The following SPHK2 variants were observed in gnomAD, a reference collection of about 807,000 sequenced individuals.
SPHK2 encodes sphingosine kinase 2.
Under a neutral mutation model 32.3 loss-of-function variants are expected in SPHK2, and 18 were observed. The ratio of observed to expected loss-of-function variants is 0.56; its 90% CI spans 0.39 to 0.83. SPHK2 has a LOEUF of 0.83. Ranked by LOEUF, SPHK2 falls within the 40% of genes least tolerant of loss-of-function variation. The pLI is 0.00. For synonymous variants in SPHK2, 462 were observed against 417.6 expected (o/e 1.11, Z -1.30); for missense variants, 850 against 908.7 (o/e 0.94, Z 0.83).
chr19:48,628,731 T>C lies in SPHK2; in HGVS notation c.923T>C (p.Leu308Pro). 6.2e-7 allele frequency: 1 copy of C among 1,613,150 alleles called. No homozygotes were observed. ...CTGTTGCTCAACTGCTCACTGTTGC[T>C]GTGCCGGGGTGGTGGCCACCCACTG... The part of the protein sequence containing the change: ...LDLLLNCSLL[L>P]CRGGGHPLDL... The change falls in exon 7 of 7, where the codon CTG becomes CCG. Residue 308 changes from leucine to proline, a missense_variant. Transcript: ENST00000245222. The surrounding 1 kb of genome is among the most constrained non-coding windows in gnomAD (Gnocchi z 5.2).
chr19:48,629,579 A>C lies in SPHK2; in HGVS notation c.1771A>C (p.Ser591Arg), dbSNP rs756194475. 3 of 1,599,218 alleles carry C rather than the reference A, an allele frequency of 1.9e-6. No individual in the cohort carries two copies. The highest frequency in any genetic ancestry group is 3.3e-4 in the Middle Eastern group (2 of 6,046). Residue 591 changes from serine (S) to arginine (R), a missense_variant, in exon 7 of 7, where the codon AGC becomes CGC. By Grantham distance (110) the Ser-to-Arg change is moderately radical. Coordinates refer to ENST00000245222, the MANE Select transcript of SPHK2 (RefSeq NM_020126.5). ...LRLFLAMERG[S>R]HFSLGCPQLG... is the part of the protein sequence containing the mutation. ...CCTTTTCTTGGCCATGGAGCGTGGT[A>C]GCCACTTCAGCCTGGGCTGTCCGCA...
At chr19:48,620,298 C>G (rs1974352389) in intron 1 of SPHK2, 104 bp from the exon 2 acceptor site, 2 of 524,752 alleles carry the variant, frequency 3.8e-6, no homozygotes, top group East Asian at 6.0e-5. Flanking sequence ...TTCCCCCCAC[C>G]CGCCAGGGAG....
chr19:48,627,851 A>T lies in SPHK2; in HGVS notation c.661+10A>T. The T allele has an allele frequency of 6.2e-7, 1 of 1,605,410 alleles. No individual in the cohort carries two copies. The highest frequency in any genetic ancestry group is 1.1e-5 in the South Asian group (1 of 89,976). On this transcript the variant is annotated intron_variant, in intron 4 of 6. Transcript: ENST00000245222. ...AACCTCATCCAGACAGGTAAGGGCC[A>T]GTGAGAATGGGAGCTGGGGGCTGGG...
At chr19:48,621,674 C>T (rs929158450) in intron 2 of SPHK2, among the ~76,000 whole-genome samples, 1 of 150,830 alleles carries the variant, frequency 6.6e-6, no homozygotes, top group Non-Finnish European at 1.5e-5. Context: ...GACTGAGCAC[C>T]GAACAAAGAG....
chr19:48,629,642 C>T lies in SPHK2; in HGVS notation c.1834C>T (p.Pro612Ser), dbSNP rs1490312667. 6.2e-7 allele frequency: 1 copy of T among 1,602,248 alleles called. No individual in the cohort carries two copies. The part of the protein sequence containing the change: ...YAAARAFRLE[P>S]LTPRGVLTVD... ...CGCGGCCCGTGCCTTCCGCCTAGAG[C>T]CGCTCACACCACGCGGCGTGCTCAC... is the stretch of plus-strand genomic sequence containing the variant. The change falls in exon 7 of 7, where the codon CCG (proline) becomes TCG (serine). Residue 612 changes from proline to serine, a missense_variant. Physicochemically the swap from Pro to Ser is moderately conservative, Grantham distance 74. This residue lies in a region of SPHK2 where 306 missense variants were observed against 268.6 expected (regional missense o/e 1.14). Coordinates refer to ENST00000245222, the MANE Select transcript of SPHK2 (RefSeq NM_020126.5).
In SPHK2 at chr19:48,628,352, C is replaced by A; in HGVS notation, c.872+75C>A. 7.3e-7 allele frequency: 1 copy of A among 1,364,878 alleles called. No homozygotes were observed. The highest frequency in any genetic ancestry group is 1.0e-6 in the Non-Finnish European group (1 of 962,436). The allele number at this position is 1,364,878 out of a possible 1,614,324, so 84.5% of individuals were successfully genotyped here. A position where few individuals can be genotyped will look rare whatever the true frequency, so the allele number is the denominator to read the frequency against. On this transcript the variant is annotated intron_variant, in intron 6 of 6. Transcript: ENST00000245222. This position sits in a 1 kb window ranked among gnomAD's most constrained non-coding sequence, Gnocchi z 5.2. ...AGGGACCCCTATATCTCCCACTCAG[C>A]CAAACCCACAGTCAGTCAAGTAAAT...
intron 2 of SPHK2, among the ~76,000 whole-genome samples, chr19:48,622,207 C>T (rs1453065606): frequency 4.1e-5 from 6 of 148,144 alleles, no homozygotes; most frequent in Non-Finnish European, 7.4e-5. Context: ...TGCAGTGAGT[C>T]GAGATCGCGC....
chr19:48,629,030 G>T lies in SPHK2; in HGVS notation c.1222G>T (p.Ala408Ser), dbSNP rs1479041829. Reference protein sequence around the residue: ...KSELTLTPDPAPPMAHSPLHR... With the variant: ...KSELTLTPDPSPPMAHSPLHR... Reference sequence around the variant, plus strand: ...GGAGCTGACCCTAACCCCAGACCCAGCCCCGCCCATGGCCCACTCACCCCT... The same window carrying T: ...GGAGCTGACCCTAACCCCAGACCCATCCCCGCCCATGGCCCACTCACCCCT... The change falls in exon 7 of 7, where the codon GCC becomes TCC. Residue 408 changes from alanine to serine, a missense_variant. Ala to Ser is a moderately conservative substitution (Grantham distance 99, BLOSUM62 1). This residue lies in a region of SPHK2 where 544 missense variants were observed against 640.0 expected (regional missense o/e 0.85). Coordinates refer to ENST00000245222, the MANE Select transcript of SPHK2 (RefSeq NM_020126.5). The T allele has an allele frequency of 6.2e-7, 1 of 1,613,078 alleles. No homozygotes were observed.
rs2030130330 is a variant in SPHK2 at position 48,628,211 on chromosome 19, T to C, written c.806T>C (p.Met269Thr). ...DRPDWEEAVK[M>T]PVGILPCGSG... ...CCTGACTGGGAGGAAGCTGTGAAGA[T>C]GCCTGTGGGCATCCTCCCCTGCGGC... Residue 269 changes from methionine to threonine, a missense_variant, in exon 6 of 7, where the codon ATG becomes ACG. Physicochemically the swap from Met to Thr is moderately conservative, Grantham distance 81 (BLOSUM62 -1). Coordinates refer to ENST00000245222, the MANE Select transcript of SPHK2 (RefSeq NM_020126.5). The surrounding 1 kb of genome is among the most constrained non-coding windows in gnomAD (Gnocchi z 5.2). 1 of 1,613,674 alleles carries C rather than the reference T, an allele frequency of 6.2e-7. No individual in the cohort carries two copies. The highest frequency in any genetic ancestry group is 8.5e-7 in the Non-Finnish European group (1 of 1,179,956).
Position 48,626,346 on chromosome 19 carries a change from A to T in SPHK2, c.495A>T (p.Pro165=), listed in dbSNP as rs1974623581. 1 of 1,588,514 alleles carries T rather than the reference A, an allele frequency of 6.3e-7. No individual in the cohort carries two copies. Among genetic ancestry groups the T allele is most frequent in the African/African-American group, 1.3e-5 (1 of 74,380 alleles). ...TCACCTGTCTGCTCCGAGGACTGCC[A>T]CTGCCCGGGGATGGGGGTGAGGTGC... ...TALTCLLRGL[P]LPGDGEITPD... Residue 165 remains proline, a synonymous_variant, in exon 3 of 7, where the codon CCA becomes CCT. Transcript: ENST00000245222.
Position 48,629,013 on chromosome 19 carries a change from C to A in SPHK2, c.1205C>A (p.Thr402Asn). ...CTGCCTCGTGCCAAGTCGGAGCTGA[C>A]CCTAACCCCAGACCCAGCCCCGCCC... ...HSLPRAKSEL[T>N]LTPDPAPPMA... is the part of the protein sequence containing the mutation. The change falls in exon 7 of 7, where the codon ACC (threonine) becomes AAC (asparagine). Residue 402 changes from threonine (T) to asparagine (N), a missense_variant. Coordinates refer to ENST00000245222, the MANE Select transcript of SPHK2 (RefSeq NM_020126.5). 6.2e-6 allele frequency: 10 copies of A among 1,613,662 alleles called. No individual in the cohort carries two copies. Among genetic ancestry groups the A allele is most frequent in the Non-Finnish European group, 8.5e-6 (10 of 1,179,940 alleles).
chr19:48,628,015 C>A lies in SPHK2; in HGVS notation c.702C>A (p.Ser234Arg). 2 of 1,596,448 alleles carry A rather than the reference C, an allele frequency of 1.3e-6. No individual in the cohort carries two copies. The highest frequency in any genetic ancestry group is 1.1e-5 in the South Asian group (1 of 89,780). The stretch of plus-strand genomic sequence containing the variant: ...CCCGGGAGCTGGTCCAGGGGCTGAG[C>A]CTGAGTGAGTGGGATGGCATCGTCA... ...NHARELVQGL[S>R]LSEWDGIVTV... Residue 234 changes from serine to arginine, a missense_variant, in exon 5 of 7, where the codon AGC (serine) becomes AGA (arginine). Physicochemically the swap from Ser to Arg is moderately radical, Grantham distance 110 (BLOSUM62 -1). Coordinates refer to ENST00000245222, the MANE Select transcript of SPHK2 (RefSeq NM_020126.5). This position sits in a 1 kb window ranked among gnomAD's most constrained non-coding sequence, Gnocchi z 5.2.
chr19:48,622,556 C>T (rs555805161), intron 2 of SPHK2, among the ~76,000 whole-genome samples: 8 of 151,998 alleles, frequency 5.3e-5, no homozygotes, highest in Non-Finnish European at 1.2e-4. Flanking sequence ...ATCTCAGCTT[C>T]TTTGCCCAGT....
Position 48,629,665 on chromosome 19 carries a change from C to T in SPHK2, c.1857C>T (p.Leu619=), listed in dbSNP as rs2030401009. The stretch of plus-strand genomic sequence containing the variant: ...AGCCGCTCACACCACGCGGCGTGCT[C>T]ACAGTGGACGGGGAGCAGGTGGAGT... The part of the protein sequence containing the change: ...RLEPLTPRGV[L]TVDGEQVEYG... The change falls in exon 7 of 7, where the codon CTC becomes CTT. Residue 619 remains leucine (L), a synonymous_variant. Coordinates refer to ENST00000245222, the MANE Select transcript of SPHK2 (RefSeq NM_020126.5). 1.2e-6 allele frequency: 2 copies of T among 1,606,704 alleles called. No homozygotes were observed. Among genetic ancestry groups the T allele is most frequent in the Non-Finnish European group, 1.7e-6 (2 of 1,177,324 alleles).
At position 48,628,783 on chromosome 19, in the gene SPHK2, G is replaced by A. The variant is rs201009052; in HGVS notation, c.975G>A (p.Ser325=). ...ACCTGCTCTCCGTGACGCTGGCCTC[G>A]GGCTCCCGCTGTTTCTCCTTCCTGT... ...PLDLLSVTLA[S]GSRCFSFLSV... is the part of the protein sequence containing the mutation. The change falls in exon 7 of 7, where the codon TCG becomes TCA. Residue 325 remains serine, a synonymous_variant. Coordinates refer to ENST00000245222, the MANE Select transcript of SPHK2 (RefSeq NM_020126.5). This position sits in a 1 kb window ranked among gnomAD's most constrained non-coding sequence, Gnocchi z 5.2. The A allele has an allele frequency of 2.7e-5, 43 of 1,613,494 alleles. No individual in the cohort carries two copies. The East Asian group carries it at 3.1e-4, about 12-fold the overall frequency.
chr19:48,620,547 G>A lies in SPHK2; in HGVS notation c.33G>A (p.Gln11=), dbSNP rs201071812. Residue 11 remains glutamine, a synonymous_variant, in exon 2 of 7, where the codon CAG becomes CAA. Coordinates refer to ENST00000245222, the MANE Select transcript of SPHK2 (RefSeq NM_020126.5). ...GACACCTTGAAGCAGAGGAGCAGCA[G>A]GACCAGGTAAGGGACCATCTAAAAG... MNGHLEAEEQ[Q]DQRPDQELTG... is the part of the protein sequence containing the mutation. The A allele has an allele frequency of 2.5e-6, 4 of 1,612,890 alleles. No individual in the cohort carries two copies. Among genetic ancestry groups the A allele is most frequent in the Non-Finnish European group, 3.4e-6 (4 of 1,179,432 alleles).
At chr19:48,626,497 C>T in intron 3 of SPHK2, 135 bp downstream of exon 3, 2 of 1,138,528 alleles carry the variant, frequency 1.8e-6, no homozygotes, top group Non-Finnish European at 2.4e-6. Context: ...GAGTGATACA[C>T]AGGGATGGGC....
chr19:48,621,387 T>A (rs1030437106), intron 2 of SPHK2, among the ~76,000 whole-genome samples: 2 of 152,126 alleles, frequency 1.3e-5, no homozygotes, highest in South Asian at 2.1e-4. Flanking sequence ...CCAATTTTTT[T>A]ATTTTTTCTA....
chr19:48,620,299 C>T (rs919414547), intron 1 of SPHK2, 103 bp from the exon 2 acceptor site: 7 of 526,202 alleles, frequency 1.3e-5, no homozygotes, highest in South Asian at 1.1e-4. Flanking sequence ...TCCCCCCACC[C>T]GCCAGGGAGG....
Sources: gnomAD v4.1 joint callset for allele counts (sites outside exome capture counted in the v4.1 genomes callset) on GRCh38, gnomAD v4.1.1 for gene constraint, gnomAD v4.1.1 regional missense constraint, Gnocchi (gnomAD v3.1) non-coding constraint, MANE v1.5 for transcripts, NCBI Gene and HGNC (gene_info 2026-07-23, HGNC 2026-07-21) for gene names.